The following ZBTB20 variants were observed in gnomAD, a reference collection of about 807,000 sequenced individuals.
ZBTB20 encodes zinc finger and BTB domain containing 20.
ZBTB20 carries 9 observed loss-of-function variants against 56.9 expected under a neutral mutation model. The observed-to-expected ratio is 0.16, with a 90% CI of 0.10 to 0.28. ZBTB20 has a LOEUF of 0.28. Ranked by LOEUF, ZBTB20 falls within the 10% of genes least tolerant of loss-of-function variation. The pLI, the probability that ZBTB20 is intolerant of heterozygous loss-of-function variation, is 1.00. For synonymous variants in ZBTB20, 417 were observed against 420.7 expected (o/e 0.99, Z 0.11); for missense variants, 655 against 1,003.0 (o/e 0.65, Z 4.69).
intron 5 of ZBTB20, among the ~76,000 whole-genome samples, chr3:114,795,820 C>T (rs1270043490): frequency 6.6e-6 from 1 of 152,038 alleles, no homozygotes; most frequent in Non-Finnish European, 1.5e-5. Context: ...TTCTATATTT[C>T]TACTATTAAA....
At chr3:114,395,671 C>T (rs1028754064) in intron 7 of ZBTB20, among the ~76,000 whole-genome samples, 4 of 152,270 alleles carry the variant, frequency 2.6e-5, no homozygotes, top group African/African-American at 7.2e-5. Context: ...GGAACACCAT[C>T]GTCAGCTTAC....
chr3:114,641,390 CA>C (rs375923804), intron 6 of ZBTB20, among the ~76,000 whole-genome samples: 164 of 151,822 alleles, frequency 1.1e-3, no homozygotes, highest in East Asian at 5.4e-3. Flanking sequence ...ATTTAAAGTA[CA>C]AAAGTATTGT....
chr3:114,676,738 T>C (rs2061649092), intron 6 of ZBTB20, among the ~76,000 whole-genome samples: 1 of 149,598 alleles, frequency 6.7e-6, no homozygotes, highest in South Asian at 2.1e-4. Flanking sequence ...TATGGCATTA[T>C]CTCATTCTCC....
chr3:114,845,089 T>G (rs1349196681), intron 4 of ZBTB20, among the ~76,000 whole-genome samples: 1 of 151,950 alleles, frequency 6.6e-6, no homozygotes, highest in African/African-American at 2.4e-5. Flanking sequence ...ATTTATCAAC[T>G]TATTCTTTTA....
rs567846730 is a variant in ZBTB20 at position 114,617,109 on chromosome 3, T to C, written c.-295+76419A>G. ...CCTCTACCCTGCTGACAGGGTGATC[T>C]TGTATCACACAATTTCATCATTAAC... On this transcript the variant is annotated intron_variant, in intron 6 of 11. Transcript: ENST00000675478. Among the ~76,000 whole-genome samples, 6 of 152,322 alleles carry C rather than the reference T, an allele frequency of 3.9e-5. No individual in the cohort carries two copies. The South Asian group carries it at 1.2e-3, about 32-fold the overall frequency.
chr3:114,573,228 G>T (rs2053625640), intron 6 of ZBTB20, among the ~76,000 whole-genome samples: 1 of 152,114 alleles, frequency 6.6e-6, no homozygotes, highest in South Asian at 2.1e-4. Flanking sequence ...GGGAGGTTGA[G>T]GCAGGTGGAT....
At position 114,523,906 on chromosome 3, in the gene ZBTB20, G is replaced by A. The variant is rs537484973; in HGVS notation, c.-294-23515C>T. 5.3e-5 allele frequency among the ~76,000 whole-genome samples: 8 copies of A among 152,198 alleles called. No individual in the cohort carries two copies. In the South Asian group the frequency reaches 8.3e-4, roughly 16 times the overall value. ...ATTATATTTGCTGGGCAGCATTAAC[G>A]GCCTCCTTGAGGGATCATGAATTTA... On this transcript the variant is annotated intron_variant, in intron 6 of 11. Coordinates refer to ENST00000675478, the MANE Select transcript of ZBTB20 (RefSeq NM_001348800.3).
chr3:114,772,895 C>A (rs369037939), intron 5 of ZBTB20, among the ~76,000 whole-genome samples: 1 of 152,110 alleles, frequency 6.6e-6, no homozygotes, highest in East Asian at 1.9e-4. Flanking sequence ...GGGAGAGTAT[C>A]CTAGATTATC....
intron 2 of ZBTB20, among the ~76,000 whole-genome samples, chr3:114,981,581 T>C (rs2078330170): frequency 6.6e-6 from 1 of 152,082 alleles, no homozygotes; most frequent in Non-Finnish European, 1.5e-5. Context: ...AGCAAATACA[T>C]GAGCAGTCCC....
intron 6 of ZBTB20, among the ~76,000 whole-genome samples, chr3:114,547,368 G>A (rs1170674928): frequency 6.6e-6 from 1 of 152,180 alleles, no homozygotes; most frequent in Non-Finnish European, 1.5e-5. Context: ...GGGCCACTTG[G>A]TCTAGTGTCA....
chr3:114,391,402 C>G (rs958855666), intron 7 of ZBTB20, among the ~76,000 whole-genome samples: 1 of 152,190 alleles, frequency 6.6e-6, no homozygotes, highest in Non-Finnish European at 1.5e-5. Context: ...GTATTTCTTC[C>G]TTTCTTTCAA....
chr3:114,997,866 C>CT (rs926643201), intron 2 of ZBTB20, among the ~76,000 whole-genome samples: 51 of 151,142 alleles, frequency 3.4e-4, no homozygotes, highest in South Asian at 1.2e-3. Context: ...GATGTGTCTA[C>CT]TTTTTTTTGA....
intron 7 of ZBTB20, among the ~76,000 whole-genome samples, chr3:114,405,445 A>T (rs1471492197): frequency 6.6e-6 from 1 of 152,150 alleles, no homozygotes; most frequent in Non-Finnish European, 1.5e-5. Context: ...TATCATCAAC[A>T]GCTTCACAAA....
At chr3:114,958,799 C>T (rs1408670948) in intron 3 of ZBTB20, among the ~76,000 whole-genome samples, 1 of 150,068 alleles carries the variant, frequency 6.7e-6, no homozygotes, top group Non-Finnish European at 1.5e-5. Context: ...TGCCATGAGC[C>T]GAGATTGCAC....
intron 7 of ZBTB20, among the ~76,000 whole-genome samples, chr3:114,410,944 A>G (rs1215706415): frequency 6.6e-6 from 1 of 152,048 alleles, no homozygotes; most frequent in Non-Finnish European, 1.5e-5. Context: ...AAGGGAAGAA[A>G]TAAACTAGGG....
chr3:114,967,593 G>T (rs543639646), intron 3 of ZBTB20, among the ~76,000 whole-genome samples: 14 of 151,308 alleles, frequency 9.3e-5, no homozygotes, highest in South Asian at 2.1e-4. Flanking sequence ...CTCCTCAAGG[G>T]AAAAAAAAGG....
chr3:114,386,129 A>G (rs2085088877), intron 8 of ZBTB20, among the ~76,000 whole-genome samples: 1 of 152,292 alleles, frequency 6.6e-6, no homozygotes, highest in Non-Finnish European at 1.5e-5. Context: ...TCAAGCCTGG[A>G]CACTATGGTC....
At chr3:114,880,494 A>G (rs912405319) in intron 4 of ZBTB20, among the ~76,000 whole-genome samples, 14 of 152,242 alleles carry the variant, frequency 9.2e-5, no homozygotes, top group African/African-American at 3.4e-4. Context: ...GGACAGACAC[A>G]GCAATGTGTA....
intron 2 of ZBTB20, among the ~76,000 whole-genome samples, chr3:115,029,493 T>C (rs1431481592): frequency 1.3e-5 from 2 of 150,784 alleles, no homozygotes; most frequent in Non-Finnish European, 3.0e-5. Flanking sequence ...CCACAATAAA[T>C]AGTGTAGTCC....
Sources: gnomAD v4.1 joint callset for allele counts (sites outside exome capture counted in the v4.1 genomes callset) on GRCh38, gnomAD v4.1.1 for gene constraint, MANE v1.5 for transcripts, NCBI Gene and HGNC (gene_info 2026-07-23, HGNC 2026-07-21) for gene names.